The following TYW1B variants were observed in gnomAD, a reference collection of about 807,000 sequenced individuals.
TYW1B encodes the protein tRNA-yW synthesizing protein 1 homolog B.
In TYW1B, 73 loss-of-function variants were observed where a neutral mutation model predicts 86.9. The ratio of observed to expected loss-of-function variants is 0.84; its 90% CI spans 0.70 to 1.02. TYW1B has a LOEUF of 1.02. TYW1B is among the 50% of genes least tolerant of loss of function. The pLI, the probability that TYW1B is intolerant of heterozygous loss-of-function variation, is 0.00. For synonymous variants in TYW1B, 248 were observed against 292.8 expected (o/e 0.85, Z 1.56); for missense variants, 637 against 827.4 (o/e 0.77, Z 2.82).
rs535149447 is a variant in TYW1B at position 72,574,694 on chromosome 7, G to A, written c.*804C>T. On this transcript the variant is annotated 3_prime_UTR_variant, in exon 14 of 14. Coordinates refer to ENST00000620995, the MANE Select transcript of TYW1B (RefSeq NM_001145440.3). ...GAGTCAAAGAAGATGGAGACCCGCC[G>A]TCTGGTCGTGATATGAGAGGCCCGG... 76 of 985,428 alleles carry A rather than the reference G, an allele frequency of 7.7e-5. 1 individual carries two copies. The African/African-American group carries it at 9.6e-4, about 12-fold the overall frequency. The allele number at this position is 985,428 out of a possible 1,614,324, so 61.0% of individuals were successfully genotyped here.
intron 6 of TYW1B, among the ~76,000 whole-genome samples, chr7:72,778,714 A>G (rs1312380775): frequency 3.9e-5 from 6 of 152,198 alleles, no homozygotes; most frequent in African/African-American, 1.2e-4. Context: ...CCTATGCAGG[A>G]TATTTTTCTT....
chr7:72,586,396 A>G (rs1410448348), intron 13 of TYW1B, among the ~76,000 whole-genome samples: 9 of 152,206 alleles, frequency 5.9e-5, no homozygotes, highest in Non-Finnish European at 8.8e-5. Context: ...CAATAACTGC[A>G]TGGCCCAAAG....
At chr7:72,716,492 G>A (rs1554456069) in intron 9 of TYW1B, among the ~76,000 whole-genome samples, 1 of 152,176 alleles carries the variant, frequency 6.6e-6, no homozygotes, top group African/African-American at 2.4e-5. Context: ...CTGCTCAGTT[G>A]TGCCTCAGTT....
At chr7:72,729,874 C>T (rs1194540195) in intron 8 of TYW1B, among the ~76,000 whole-genome samples, 1 of 152,128 alleles carries the variant, frequency 6.6e-6, no homozygotes, top group Non-Finnish European at 1.5e-5. Flanking sequence ...CCAGCAAGCC[C>T]AGCAACACCG....
At chr7:72,645,076 C>T (rs1392107114) in intron 11 of TYW1B, among the ~76,000 whole-genome samples, 1 of 152,134 alleles carries the variant, frequency 6.6e-6, no homozygotes, top group East Asian at 1.9e-4. Flanking sequence ...ATCCACCCAC[C>T]TCGGCCTCCC....
intron 13 of TYW1B, among the ~76,000 whole-genome samples, chr7:72,576,448 T>C (rs574267627): frequency 6.6e-6 from 1 of 152,090 alleles, no homozygotes; most frequent in South Asian, 2.1e-4. Flanking sequence ...TTTGTGTAAA[T>C]GTATTAACTA....
intron 10 of TYW1B, among the ~76,000 whole-genome samples, chr7:72,703,900 T>G (rs1814551289): frequency 6.6e-6 from 1 of 151,818 alleles, no homozygotes; most frequent in Admixed American, 6.6e-5. Context: ...AAATCTGTAT[T>G]CCAAAGTTTC....
chr7:72,604,215 C>A (rs1315927821), intron 13 of TYW1B, among the ~76,000 whole-genome samples: 1 of 152,080 alleles, frequency 6.6e-6, no homozygotes, highest in Non-Finnish European at 1.5e-5. Flanking sequence ...GTGATCCCAG[C>A]AATTTGAGAG....
intron 6 of TYW1B, 50 bp from the exon 7 acceptor site, chr7:72,777,583 A>C: frequency 6.2e-7 from 1 of 1,604,328 alleles, no homozygotes; most frequent in Non-Finnish European, 8.5e-7. Context: ...GTGCAATGTA[A>C]ATAACAGCAC....
At chr7:72,738,582 A>G (rs1554461444) in intron 8 of TYW1B, among the ~76,000 whole-genome samples, 1 of 152,158 alleles carries the variant, frequency 6.6e-6, no homozygotes, top group African/African-American at 2.4e-5. Flanking sequence ...AGATACCAGC[A>G]GCACTCTCCT....
chr7:72,702,847 G>T (rs1348731103), intron 10 of TYW1B, among the ~76,000 whole-genome samples: 8 of 151,568 alleles, frequency 5.3e-5, no homozygotes, highest in African/African-American at 1.9e-4. Context: ...AAAAAAAGTC[G>T]CTTGTGATCA....
chr7:72,791,071 T>C (rs13232172), intron 6 of TYW1B, among the ~76,000 whole-genome samples: 1 of 147,540 alleles, frequency 6.8e-6, no homozygotes, highest in Non-Finnish European at 1.5e-5. Context: ...CTTTTGAATT[T>C]TGCACAGCCC....
chr7:72,594,681 A>G (rs1345474807), intron 13 of TYW1B, among the ~76,000 whole-genome samples: 1 of 152,144 alleles, frequency 6.6e-6, no homozygotes, highest in East Asian at 1.9e-4. Flanking sequence ...CTGATACCAA[A>G]GCCAGACAAA....
chr7:72,797,578 A>G (rs1788325879), intron 6 of TYW1B, among the ~76,000 whole-genome samples: 1 of 152,156 alleles, frequency 6.6e-6, no homozygotes, highest in African/African-American at 2.4e-5. Context: ...TGACCTTTGC[A>G]TGGTGGTGTA....
At position 72,802,399 on chromosome 7, in the gene TYW1B, C is replaced by T. The variant is rs1554475925; in HGVS notation, c.846+1G>A. On this transcript the variant is annotated splice_donor_variant, in intron 6 of 13. Transcript: ENST00000620995. LOFTEE classifies it high-confidence loss of function. ...TGCAACATTTCCCAAAGTAATGGTA[C>T]CTTTTCTTTCTTCACGTGATCCATA... 1.9e-6 allele frequency: 3 copies of T among 1,613,660 alleles called. No individual in the cohort carries two copies. The highest frequency in any genetic ancestry group is 2.5e-6 in the Non-Finnish European group (3 of 1,179,812).
At chr7:72,754,483 C>G (rs1787554082) in intron 7 of TYW1B, among the ~76,000 whole-genome samples, 1 of 151,926 alleles carries the variant, frequency 6.6e-6, no homozygotes, top group Admixed American at 6.6e-5. Flanking sequence ...GTCGCCCAGG[C>G]TGGAATGCAG....
At chr7:72,786,864 T>A (rs1192056741) in intron 6 of TYW1B, among the ~76,000 whole-genome samples, 1 of 152,128 alleles carries the variant, frequency 6.6e-6, no homozygotes, top group African/African-American at 2.4e-5. Context: ...CATGAGCCAC[T>A]GCGCCCTGCT....
intron 13 of TYW1B, among the ~76,000 whole-genome samples, chr7:72,576,916 C>T (rs1176203013): frequency 2.0e-5 from 3 of 151,890 alleles, no homozygotes; most frequent in African/African-American, 7.2e-5. Context: ...CACCTGAGGT[C>T]GGGAGTTCAA....
intron 11 of TYW1B, 96 bp from the exon 12 acceptor site, chr7:72,629,093 G>A (rs1812423642): frequency 4.9e-6 from 6 of 1,225,026 alleles, no homozygotes; most frequent in Admixed American, 2.9e-5. Context: ...AGAGAACCCA[G>A]GGCAGGCAAA....
Sources: allele counts gnomAD v4.1 joint callset (sites outside exome capture counted in the v4.1 genomes callset), GRCh38; gene constraint gnomAD v4.1.1; transcripts MANE v1.5; gene names NCBI Gene and HGNC (gene_info 2026-07-23, HGNC 2026-07-21).